THSD7B: variants seen among roughly 807,000 people sequenced by gnomAD.
THSD7B encodes the protein thrombospondin type 1 domain containing 7B.
Under a neutral mutation model 213.6 loss-of-function variants are expected in THSD7B, and 138 were observed. The observed-to-expected ratio is 0.65, with a 90% CI of 0.56 to 0.74. The LOEUF is 0.74. Ranked by LOEUF, THSD7B falls within the 30% of genes least tolerant of loss-of-function variation. THSD7B has a pLI of 0.00. For synonymous variants in THSD7B, 742 were observed against 687.0 expected, an observed-to-expected ratio of 1.08 and a Z score of -1.25; for missense variants, 1,931 against 1,991.5, an observed-to-expected ratio of 0.97 and a Z score of 0.58.
chr2:137,533,616 T>A (rs1319983502), intron 15 of THSD7B, among the ~76,000 whole-genome samples: 3 of 151,928 alleles, frequency 2.0e-5, no homozygotes, highest in Non-Finnish European at 4.4e-5. Context: ...ATGCAAAACA[T>A]TGCATTGCAA....
intron 27 of THSD7B, among the ~76,000 whole-genome samples, chr2:137,671,638 T>TATCA (rs1322854313): frequency 1.3e-5 from 2 of 152,198 alleles, no homozygotes; most frequent in African/African-American, 4.8e-5. Context: ...ACTCACTCGC[T>TATCA]ATCATGAGAA....
chr2:137,449,163 G>A (rs1177627891), intron 14 of THSD7B, among the ~76,000 whole-genome samples: 1 of 152,082 alleles, frequency 6.6e-6, no homozygotes, highest in African/African-American at 2.4e-5. Context: ...GCAGGCTTGT[G>A]GAGAGAATAT....
At chr2:137,121,187 T>C (rs1688539896) in intron 5 of THSD7B, among the ~76,000 whole-genome samples, 1 of 152,178 alleles carries the variant, frequency 6.6e-6, no homozygotes, top group South Asian at 2.1e-4. Context: ...ATTATCAGAC[T>C]GTTCTTGTTA....
At chr2:137,310,935 G>A (rs1312960707) in intron 12 of THSD7B, among the ~76,000 whole-genome samples, 2 of 152,058 alleles carry the variant, frequency 1.3e-5, no homozygotes, top group Non-Finnish European at 2.9e-5. Context: ...AAGTCAGGTA[G>A]TGTGATGCCT....
intron 2 of THSD7B, among the ~76,000 whole-genome samples, chr2:137,040,446 T>A (rs1208601591): frequency 6.6e-6 from 1 of 151,132 alleles, no homozygotes; most frequent in Non-Finnish European, 1.5e-5. Context: ...CAGTCTGGAG[T>A]GCAATGGCGC....
Position 137,145,218 on chromosome 2 carries a change from A to G in THSD7B, c.1370-14995A>G, listed in dbSNP as rs116605878. ...CATAGATATAAAATAACATAACTAT[A>G]GATGAAAGGAGTATCATATAATTAG... On this transcript the variant is annotated intron_variant, in intron 5 of 27. Coordinates refer to ENST00000409968, the MANE Select transcript of THSD7B (RefSeq NM_001316349.2). Among the ~76,000 whole-genome samples the G allele has an allele frequency of 3.0e-3, 456 of 152,230 alleles. 3 individuals carry two copies. Among genetic ancestry groups the G allele is most frequent in the African/African-American group, 0.01 (428 of 41,568 alleles).
chr2:136,793,367 T>C lies in THSD7B; in HGVS notation c.-36+27680T>C, dbSNP rs114263277. ...GCATATTTTCATGGCTTATTTTCCA[T>C]TGGTGTATCTCCTGTTGTAAAGTCT... On this transcript the variant is annotated intron_variant, in intron 1 of 27. Transcript: ENST00000409968. Among the ~76,000 whole-genome samples, 267 of 152,166 alleles carry C rather than the reference T, an allele frequency of 1.8e-3. 1 individual carries two copies. The highest frequency in any genetic ancestry group is 5.7e-3 in the African/African-American group (236 of 41,552).
At chr2:137,160,436 C>G in intron 6 of THSD7B, 68 bp downstream of exon 6, 1 of 1,562,122 alleles carries the variant, frequency 6.4e-7, no homozygotes, top group East Asian at 2.3e-5. Flanking sequence ...GTAGCTAAGT[C>G]ACTGATTAAG....
At chr2:137,664,041 A>G (rs910299057) in intron 26 of THSD7B, among the ~76,000 whole-genome samples, 2 of 151,956 alleles carry the variant, frequency 1.3e-5, no homozygotes, top group Non-Finnish European at 2.9e-5. Flanking sequence ...TTTAGTAGAG[A>G]TGAGTTTCGC....
intron 17 of THSD7B, among the ~76,000 whole-genome samples, chr2:137,588,103 G>A (rs924201400): frequency 1.3e-5 from 2 of 152,196 alleles, no homozygotes; most frequent in Admixed American, 6.5e-5. Context: ...AGCAATGAGT[G>A]AGGCTCCAAG....
intron 17 of THSD7B, among the ~76,000 whole-genome samples, chr2:137,590,251 C>A (rs993136003): frequency 1.3e-5 from 2 of 152,148 alleles, no homozygotes; most frequent in African/African-American, 4.8e-5. Flanking sequence ...CAAGACACAG[C>A]AATGTGGGAC....
chr2:137,603,664 G>A (rs538715911), intron 17 of THSD7B, among the ~76,000 whole-genome samples: 196 of 152,274 alleles, frequency 1.3e-3, no homozygotes, highest in Middle Eastern at 3.4e-3. Flanking sequence ...TTTGATCTCT[G>A]TTTTGCTTAT....
chr2:136,866,281 T>C (rs192278093), intron 1 of THSD7B, among the ~76,000 whole-genome samples: 1 of 151,204 alleles, frequency 6.6e-6, no homozygotes, highest in African/African-American at 2.4e-5. Flanking sequence ...GAATTTTTTT[T>C]CTTTCTCAGG....
chr2:137,493,247 G>A (rs1228132211), intron 15 of THSD7B, among the ~76,000 whole-genome samples: 1 of 151,304 alleles, frequency 6.6e-6, no homozygotes, highest in African/African-American at 2.4e-5. Flanking sequence ...TTTCCAGAAA[G>A]AGATTTACAG....
chr2:136,818,513 A>G (rs1383421154), intron 1 of THSD7B, among the ~76,000 whole-genome samples: 6 of 151,976 alleles, frequency 3.9e-5, no homozygotes, highest in African/African-American at 9.7e-5. Flanking sequence ...TAACCTGCAC[A>G]ATGTGCAGAT....
At chr2:137,633,851 C>T (rs1682785618) in intron 20 of THSD7B, among the ~76,000 whole-genome samples, 1 of 152,102 alleles carries the variant, frequency 6.6e-6, no homozygotes, top group African/African-American at 2.4e-5. Flanking sequence ...TTAGTGCCTT[C>T]CTCCATAATG....
At chr2:137,134,650 T>C (rs1432207) in intron 5 of THSD7B, among the ~76,000 whole-genome samples, 102,000 of 152,042 alleles carry the variant, frequency 0.67, 35,977 homozygotes, top group Non-Finnish European at 0.77. Context: ...ACGGCAAACC[T>C]GTGGCCCTTC....
intron 9 of THSD7B, among the ~76,000 whole-genome samples, chr2:137,234,017 C>G (rs1463013505): frequency 1.3e-5 from 2 of 152,140 alleles, no homozygotes; most frequent in African/African-American, 2.4e-5. Context: ...CAGTGCCTCC[C>G]CAGGAATTTT....
At chr2:137,117,904 T>G (rs1433601549) in intron 5 of THSD7B, among the ~76,000 whole-genome samples, 2 of 152,210 alleles carry the variant, frequency 1.3e-5, no homozygotes, top group African/African-American at 4.8e-5. Context: ...GATATGGTCC[T>G]GTTGATGACT....
Sources: allele counts gnomAD v4.1 joint callset (sites outside exome capture counted in the v4.1 genomes callset), GRCh38; gene constraint gnomAD v4.1.1; transcripts MANE v1.5; gene names NCBI Gene and HGNC (gene_info 2026-07-23, HGNC 2026-07-21).